Variants in ROBO2 observed in about 807,000 individuals in gnomAD.
The protein encoded by ROBO2 is roundabout homolog 2.
In ROBO2, 53 loss-of-function variants were observed where a neutral mutation model predicts 160.8. That is an observed-to-expected ratio of 0.33 (90% confidence interval 0.26 to 0.41). The LOEUF is 0.41. Among genes scored for constraint, ROBO2 ranks in the 10% least tolerant of loss-of-function variants. ROBO2 has a pLI of 1.00. For synonymous variants in ROBO2, 664 were observed against 611.7 expected (o/e 1.09, Z -1.26); for missense variants, 1,577 against 1,722.4 (o/e 0.92, Z 1.49).
intron 2 of ROBO2, among the ~76,000 whole-genome samples, chr3:76,492,050 G>A (rs2079855790): frequency 6.6e-6 from 1 of 152,158 alleles, no homozygotes; most frequent in Non-Finnish European, 1.5e-5. Context: ...TGGGGAGGCA[G>A]AGGTTTCAAT....
intron 2 of ROBO2, among the ~76,000 whole-genome samples, chr3:77,338,971 C>T (rs1458106934): frequency 6.6e-6 from 1 of 152,020 alleles, no homozygotes; most frequent in Admixed American, 6.6e-5. Flanking sequence ...CTGATGACAT[C>T]TCAAAATGGT....
chr3:76,911,731 T>G (rs890651740), intron 2 of ROBO2, among the ~76,000 whole-genome samples: 7 of 152,228 alleles, frequency 4.6e-5, no homozygotes, highest in African/African-American at 1.7e-4. Flanking sequence ...TATTTTTGAC[T>G]GGCAATGCAT....
At chr3:76,757,640 C>G (rs2061054085) in intron 2 of ROBO2, among the ~76,000 whole-genome samples, 1 of 151,678 alleles carries the variant, frequency 6.6e-6, no homozygotes, top group Admixed American at 6.6e-5. Flanking sequence ...TTCAAGCCAG[C>G]TAGAGCGTTG....
chr3:76,189,825 A>G (rs757199334), intron 2 of ROBO2, among the ~76,000 whole-genome samples: 1 of 152,048 alleles, frequency 6.6e-6, no homozygotes, highest in Non-Finnish European at 1.5e-5. Flanking sequence ...AAATAACACA[A>G]AGGGATAGGT....
At chr3:76,961,328 T>C (rs1475163988) in intron 2 of ROBO2, among the ~76,000 whole-genome samples, 4 of 148,176 alleles carry the variant, frequency 2.7e-5, no homozygotes, top group African/African-American at 1.0e-4. Context: ...ATCCAATATA[T>C]AATAGGTAAA....
At chr3:77,007,868 C>G (rs1297230986) in intron 2 of ROBO2, among the ~76,000 whole-genome samples, 4 of 151,818 alleles carry the variant, frequency 2.6e-5, no homozygotes, top group African/African-American at 9.7e-5. Flanking sequence ...TCCAAATGGA[C>G]TTTTTTTATG....
chr3:77,291,119 C>G (rs574116750), intron 2 of ROBO2, among the ~76,000 whole-genome samples: 189 of 151,076 alleles, frequency 1.3e-3, no homozygotes, highest in Admixed American at 2.4e-3. Context: ...GAGGCTAGAT[C>G]ACCCCAGACA....
At chr3:77,556,890 C>T (rs1476923511) in intron 8 of ROBO2, among the ~76,000 whole-genome samples, 1 of 151,804 alleles carries the variant, frequency 6.6e-6, no homozygotes, top group Non-Finnish European at 1.5e-5. Flanking sequence ...AAAGTCTATG[C>T]TGTCTATGCC....
chr3:77,385,595 G>T (rs377039984), intron 2 of ROBO2, among the ~76,000 whole-genome samples: 1 of 152,060 alleles, frequency 6.6e-6, no homozygotes, highest in African/African-American at 2.4e-5. Context: ...TGATATATCC[G>T]AGGAAGTCCT....
At chr3:76,007,527 A>G (rs1002582773) in intron 2 of ROBO2, among the ~76,000 whole-genome samples, 4 of 152,136 alleles carry the variant, frequency 2.6e-5, no homozygotes. Context: ...TATTTTTTTC[A>G]GAGATAATCT....
intron 2 of ROBO2, among the ~76,000 whole-genome samples, chr3:76,439,411 GC>G (rs2109097188): frequency 6.6e-6 from 1 of 150,856 alleles, no homozygotes; most frequent in African/African-American, 2.4e-5. Context: ...ATGGGATCCT[GC>G]TGAAGGTTAC....
intron 1 of ROBO2, among the ~76,000 whole-genome samples, chr3:77,096,739 C>A (rs1373444432): frequency 6.6e-6 from 1 of 152,084 alleles, no homozygotes; most frequent in Non-Finnish European, 1.5e-5. Context: ...TGTGAGCCAC[C>A]GTGCCCGGCC....
At position 76,654,039 on chromosome 3, in the gene ROBO2, G is replaced by A. The variant is rs759846100; in HGVS notation, c.110-443975G>A. Among the ~76,000 whole-genome samples, 93 of 152,230 alleles carry A rather than the reference G, an allele frequency of 6.1e-4. 1 individual carries two copies. Among genetic ancestry groups the A allele is most frequent in the Middle Eastern group, 6.8e-3 (2 of 294 alleles). ...CTGATGGAAGTGAGGGTCAGAAAGG[G>A]AATCCCATTTATCAGCCATATTCAG... On this transcript the variant is annotated intron_variant, in intron 2 of 26. Transcript: ENST00000487694.
rs148762912 is a variant in ROBO2, at chr3:76,796,147, C to T, written c.110-301867C>T. ...AATTGTCAGTGAGCATTGGCTTCAACTTCAAATCACCAGGGCACCAGCTGC... is the reference window on the plus strand; with the variant it reads ...AATTGTCAGTGAGCATTGGCTTCAATTTCAAATCACCAGGGCACCAGCTGC... On this transcript the variant is annotated intron_variant, in intron 2 of 26. Coordinates refer to the ROBO2 transcript ENST00000487694. 1.4e-3 allele frequency among the ~76,000 whole-genome samples: 216 copies of T among 152,150 alleles called. 1 individual carries two copies. The highest frequency in any genetic ancestry group is 5.1e-3 in the African/African-American group (211 of 41,540).
intron 2 of ROBO2, among the ~76,000 whole-genome samples, chr3:76,173,093 A>G (rs753430911): frequency 4.4e-4 from 66 of 148,932 alleles, no homozygotes; most frequent in Non-Finnish European, 7.8e-4. Context: ...ACAGTAGAGA[A>G]TTACGTGCAT....
In ROBO2 at chr3:77,577,669, C is replaced by T. The variant is rs553079939; in HGVS notation, c.2328+55C>T. 29 of 1,597,780 alleles carry T rather than the reference C, an allele frequency of 1.8e-5. No homozygotes were observed. The African/African-American group carries it at 2.8e-4, about 16-fold the overall frequency. ...CATGTAAAGGTTCCCAGAGAAATCT[C>T]AGTGTCTCACGAATGAGACACATCT... On this transcript the variant is annotated intron_variant, in intron 15 of 25. Transcript: ENST00000461745.
At chr3:77,388,263 T>G (rs2153495870) in intron 2 of ROBO2, among the ~76,000 whole-genome samples, 1 of 152,214 alleles carries the variant, frequency 6.6e-6, no homozygotes, top group African/African-American at 2.4e-5. Flanking sequence ...GAAAAGATTT[T>G]TGGCACCAGG....
intron 1 of ROBO2, among the ~76,000 whole-genome samples, chr3:77,092,477 T>A (rs1559988806): frequency 6.6e-6 from 1 of 150,836 alleles, no homozygotes; most frequent in African/African-American, 2.4e-5. Flanking sequence ...AAATAAACAT[T>A]TGGATGTTCA....
At chr3:76,618,090 T>C (rs1006553262) in intron 2 of ROBO2, among the ~76,000 whole-genome samples, 2 of 151,620 alleles carry the variant, frequency 1.3e-5, no homozygotes, top group Non-Finnish European at 2.9e-5. Flanking sequence ...AATTATACTT[T>C]GTCTCCAGTC....
Sources: gnomAD v4.1 joint callset for allele counts (sites outside exome capture counted in the v4.1 genomes callset) on GRCh38, gnomAD v4.1.1 for gene constraint, MANE v1.5 for transcripts, NCBI Gene and HGNC (gene_info 2026-07-23, HGNC 2026-07-21) for gene names.